The following MACROD2 variants were observed in gnomAD, a reference collection of about 807,000 sequenced individuals.
The protein encoded by MACROD2 is mono-ADP ribosylhydrolase 2.
Under a neutral mutation model 70.4 loss-of-function variants are expected in MACROD2, and 36 were observed. The observed-to-expected ratio is 0.51, with a 90% CI of 0.39 to 0.68. MACROD2 has a LOEUF of 0.68. Among genes scored for constraint, MACROD2 ranks in the 30% least tolerant of loss-of-function variants. The probability of loss-of-function intolerance (pLI) is 0.00; values close to 1 mark genes in which losing one functional copy is unlikely to be tolerated. For missense variants in MACROD2, 496 were observed against 538.4 expected (o/e 0.92, Z 0.78); for synonymous variants, 172 against 178.8 (o/e 0.96, Z 0.30).
intron 6 of MACROD2, among the ~76,000 whole-genome samples, chr20:15,356,036 A>G (rs6135395): frequency 0.072 from 10,936 of 151,774 alleles, 580 homozygotes; most frequent in East Asian, 0.16. Context: ...GACTCCTTAA[A>G]TGATATTAGG....
chr20:14,699,502 G>A (rs867551065), intron 5 of MACROD2, among the ~76,000 whole-genome samples: 46 of 152,278 alleles, frequency 3.0e-4, no homozygotes, highest in African/African-American at 1.0e-3. Flanking sequence ...AGCAAGCTGG[G>A]CATCTTCCTC....
intron 12 of MACROD2, among the ~76,000 whole-genome samples, chr20:15,956,413 T>G (rs2065977662): frequency 6.6e-6 from 1 of 152,174 alleles, no homozygotes; most frequent in African/African-American, 2.4e-5. Context: ...CTCTTATATC[T>G]TCACATATTG....
At chr20:15,847,408 G>A (rs1292212912) in intron 8 of MACROD2, among the ~76,000 whole-genome samples, 1 of 152,146 alleles carries the variant, frequency 6.6e-6, no homozygotes, top group African/African-American at 2.4e-5. Context: ...CTGAAAGATG[G>A]TTGGATAAAA....
rs149611485 is a variant in MACROD2 at position 15,443,957 on chromosome 20, G to C, written c.571+12522G>C. On this transcript the variant is annotated intron_variant, in intron 7 of 17. Transcript: ENST00000684519. ...AATAAAAATAGAGCCTAATCTTTTA[G>C]ATGTGGTTAATTTTTAAAGCGGTTT... Among the ~76,000 whole-genome samples, 790 of 152,262 alleles carry C rather than the reference G, an allele frequency of 5.2e-3. 4 individuals are homozygous for C. The highest frequency in any genetic ancestry group is 0.041 in the Middle Eastern group (12 of 294).
chr20:15,639,245 T>C (rs184276517), intron 8 of MACROD2, among the ~76,000 whole-genome samples: 17 of 152,336 alleles, frequency 1.1e-4, no homozygotes, highest in Admixed American at 2.0e-4. Flanking sequence ...TTGAATTATA[T>C]GCCAGGAAAA....
chr20:15,141,856 C>G (rs994900611), intron 5 of MACROD2, among the ~76,000 whole-genome samples: 1 of 152,142 alleles, frequency 6.6e-6, no homozygotes, highest in Non-Finnish European at 1.5e-5. Flanking sequence ...CTGATCTGAC[C>G]TGCAGTTTCT....
chr20:15,576,428 A>G (rs939525059), intron 8 of MACROD2, among the ~76,000 whole-genome samples: 3 of 152,176 alleles, frequency 2.0e-5, no homozygotes, highest in African/African-American at 7.2e-5. Context: ...CCATCATGCT[A>G]AAGTCATTTC....
intron 6 of MACROD2, among the ~76,000 whole-genome samples, chr20:15,243,664 C>A (rs948380679): frequency 6.6e-6 from 1 of 152,080 alleles, no homozygotes; most frequent in South Asian, 2.1e-4. Context: ...GCCTGTAATC[C>A]CAGCACTTTG....
chr20:14,881,525 C>T (rs548042577), intron 5 of MACROD2, among the ~76,000 whole-genome samples: 1 of 152,064 alleles, frequency 6.6e-6, no homozygotes, highest in South Asian at 2.1e-4. Context: ...ATTCCCTAGC[C>T]TGGCACCCCA....
At chr20:15,869,234 T>TAGAGAGAGAGAGAGAGAG (rs1198181652) in intron 9 of MACROD2, among the ~76,000 whole-genome samples, 20 of 31,684 alleles carry the variant, frequency 6.3e-4, no homozygotes, top group East Asian at 2.2e-3. Flanking sequence ...TATATATATA[T>TAGAGAGAGAGAGAGAGAG]ATATAGAGAG....
intron 5 of MACROD2, among the ~76,000 whole-genome samples, chr20:14,800,598 T>C (rs1482602221): frequency 6.6e-6 from 1 of 152,120 alleles, no homozygotes; most frequent in Non-Finnish European, 1.5e-5. Context: ...AGCGTTCCAC[T>C]GGGAAATTTT....
chr20:14,805,350 T>C (rs1568805733), intron 5 of MACROD2, among the ~76,000 whole-genome samples: 1 of 152,050 alleles, frequency 6.6e-6, no homozygotes. Context: ...CCTCTGGCAA[T>C]GATTTGGCTG....
chr20:15,061,625 C>T (rs944712790), intron 5 of MACROD2, among the ~76,000 whole-genome samples: 4 of 152,178 alleles, frequency 2.6e-5, no homozygotes, highest in African/African-American at 7.2e-5. Flanking sequence ...CTAATGCCTT[C>T]TCCATGGCTC....
At chr20:14,081,519 G>A (rs2053994736) in intron 2 of MACROD2, among the ~76,000 whole-genome samples, 1 of 152,170 alleles carries the variant, frequency 6.6e-6, no homozygotes. Flanking sequence ...TATAAAACCA[G>A]TGATGTACAA....
At chr20:14,947,929 C>T (rs1280011340) in intron 5 of MACROD2, among the ~76,000 whole-genome samples, 1 of 152,156 alleles carries the variant, frequency 6.6e-6, no homozygotes, top group Non-Finnish European at 1.5e-5. Flanking sequence ...ATAGGAAGTC[C>T]TGTATTTGCT....
intron 7 of MACROD2, among the ~76,000 whole-genome samples, chr20:15,432,639 A>G (rs1348299557): frequency 1.3e-5 from 2 of 152,140 alleles, no homozygotes; most frequent in African/African-American, 4.8e-5. Flanking sequence ...CCTTATGTAG[A>G]GTCAAACCAA....
Position 14,500,834 on chromosome 20 carries a change from T to C in MACROD2, c.301+7326T>C, listed in dbSNP as rs116024073. On this transcript the variant is annotated intron_variant, in intron 4 of 17. Transcript: ENST00000684519. The stretch of plus-strand genomic sequence containing the variant: ...AGCCATACCTGAACCTGGAAGTGTG[T>C]ATTCCCCAATTAAGGCAGAAATTTC... Among the ~76,000 whole-genome samples the C allele has an allele frequency of 6.1e-3, 930 of 152,334 alleles. 6 individuals are homozygous for C. The highest frequency in any genetic ancestry group is 0.014 in the African/African-American group (578 of 41,584).
intron 4 of MACROD2, among the ~76,000 whole-genome samples, chr20:14,658,842 G>T (rs1986096805): frequency 6.6e-6 from 1 of 152,152 alleles, no homozygotes; most frequent in African/African-American, 2.4e-5. Flanking sequence ...TCAAACTCCT[G>T]AGCTCAGGCA....
chr20:15,058,651 C>T (rs2075506803), intron 5 of MACROD2, among the ~76,000 whole-genome samples: 1 of 152,144 alleles, frequency 6.6e-6, no homozygotes, highest in East Asian at 1.9e-4. Context: ...ATGCTATGCT[C>T]TACTACTACA....
Sources: gnomAD v4.1 joint callset for allele counts (sites outside exome capture counted in the v4.1 genomes callset) on GRCh38, gnomAD v4.1.1 for gene constraint, MANE v1.5 for transcripts, NCBI Gene and HGNC (gene_info 2026-07-23, HGNC 2026-07-21) for gene names.